RSF1: variants seen among roughly 807,000 people sequenced by gnomAD.
RSF1 encodes remodeling and spacing factor 1.
RSF1 carries 13 observed loss-of-function variants against 145.2 expected under a neutral mutation model. The observed-to-expected ratio is 0.09, with a 90% CI of 0.06 to 0.14. The LOEUF (loss-of-function observed/expected upper bound fraction) is 0.14. RSF1 is among the 10% of genes least tolerant of loss of function. RSF1 has a pLI of 1.00. For synonymous variants in RSF1, 577 were observed against 592.6 expected (o/e 0.97, Z 0.38); for missense variants, 1,517 against 1,718.2 (o/e 0.88, Z 2.07).
the RSF1 span, among the ~76,000 whole-genome samples, chr11:77,862,046 T>TA: frequency 6.6e-6 from 1 of 152,202 alleles, no homozygotes; most frequent in East Asian, 1.9e-4. Flanking sequence ...CCCTGTGTTA[T>TA]AGTGGACATA....
chr11:77,810,919 G>A (rs1948724782), intron 1 of RSF1, among the ~76,000 whole-genome samples: 1 of 152,054 alleles, frequency 6.6e-6, no homozygotes, highest in Non-Finnish European at 1.5e-5. Flanking sequence ...TCAGGTTTTG[G>A]GTTTTGTTTT....
the RSF1 span, among the ~76,000 whole-genome samples, chr11:77,858,672 G>A: frequency 2.6e-5 from 4 of 152,066 alleles, no homozygotes; most frequent in East Asian, 1.9e-4. Context: ...GAGGTTGGCC[G>A]ATGACCGCTC....
chr11:77,789,641 C>T (rs928730150), intron 1 of RSF1, among the ~76,000 whole-genome samples: 2 of 152,214 alleles, frequency 1.3e-5, no homozygotes, highest in Middle Eastern at 3.2e-3. Flanking sequence ...GCTCCACCCT[C>T]CACAGTGGCA....
chr11:77,737,652 G>A (rs1178981834), intron 4 of RSF1, among the ~76,000 whole-genome samples: 2 of 150,896 alleles, frequency 1.3e-5, no homozygotes, highest in Non-Finnish European at 3.0e-5. Flanking sequence ...GTGTGTGTGT[G>A]TGTGTGTGTG....
intron 1 of RSF1, among the ~76,000 whole-genome samples, chr11:77,788,606 T>C (rs1948485277): frequency 6.6e-6 from 1 of 150,766 alleles, no homozygotes; most frequent in African/African-American, 2.4e-5. Context: ...AGGTATCCAA[T>C]ATAATGAAAA....
At chr11:77,824,814 T>A (rs896805754), upstream of RSF1, among the ~76,000 whole-genome samples, 2 of 152,236 alleles carry the variant, frequency 1.3e-5, no homozygotes, top group African/African-American at 4.8e-5. Flanking sequence ...CTATAAACAC[T>A]GCATTCAACT....
intron 1 of RSF1, among the ~76,000 whole-genome samples, chr11:77,779,744 G>T (rs1296852903): frequency 6.6e-6 from 1 of 152,154 alleles, no homozygotes; most frequent in South Asian, 2.1e-4. Context: ...GATTTGTTCA[G>T]GTAACAGAAA....
chr11:77,758,788 T>C (rs1363606508), intron 2 of RSF1, among the ~76,000 whole-genome samples: 1 of 152,236 alleles, frequency 6.6e-6, no homozygotes, highest in African/African-American at 2.4e-5. Flanking sequence ...TGTCTTTATG[T>C]TGTTGAGTTT....
At position 77,702,390 on chromosome 11, in the gene RSF1, T is replaced by A; in HGVS notation, c.839A>T (p.Lys280Ile). The A allele has an allele frequency of 6.2e-7, 1 of 1,609,980 alleles. No individual in the cohort carries two copies. Among genetic ancestry groups the A allele is most frequent in the African/African-American group, 1.3e-5 (1 of 74,532 alleles). The change falls in exon 6 of 16, where the codon AAA becomes ATA. Residue 280 changes from lysine to isoleucine, a missense_variant. Around this residue, in one of 12 missense-constraint regions of RSF1, gnomAD observed 207 missense variants for 191.4 expected, o/e 1.08. Transcript: ENST00000308488. ...TTTCACAAGTTCCTTTTCATCTTCT[T>A]TTTCTTTTTTCACAGTAGTCTCTTC... ...VLEETTVKKE[K>I]EDEKELVKLP...
At chr11:77,696,156 AC>A (rs1200301795) in intron 7 of RSF1, among the ~76,000 whole-genome samples, 2 of 152,218 alleles carry the variant, frequency 1.3e-5, no homozygotes, top group African/African-American at 4.8e-5. Context: ...ATAAAACATA[AC>A]CTAAATTTCA....
At position 77,698,477 on chromosome 11, in the gene RSF1, A is replaced by G; in HGVS notation, c.2715+10T>C. The G allele has an allele frequency of 6.2e-7, 1 of 1,610,662 alleles. No individual in the cohort carries two copies. The highest frequency in any genetic ancestry group is 2.2e-5 in the East Asian group (1 of 44,852). On this transcript the variant is annotated intron_variant, in intron 7 of 15. Transcript: ENST00000308488. ...AATATGAGTATTCTTCATTTACATC[A>G]GGTACATACTAGCTCAGGATGGTTT...
chr11:77,698,678 T>C lies in RSF1; in HGVS notation c.2524A>G (p.Lys842Glu). 6.2e-7 allele frequency: 1 copy of C among 1,614,162 alleles called. No homozygotes were observed. ...SKVSKVKPKG[K>E]VRWTGSRTRG... is the part of the protein sequence containing the mutation. The stretch of plus-strand genomic sequence containing the variant: ...GTCCGAGAACCAGTCCATCGAACTT[T>C]GCCTTTGGGTTTTACCTTGTATAAA... The change falls in exon 7 of 16, where the codon AAA (lysine) becomes GAA (glutamate). Residue 842 changes from lysine (K) to glutamate (E), a missense_variant. By Grantham distance (56) the Lys-to-Glu change is moderately conservative. Transcript: ENST00000308488.
At chr11:77,740,605 C>G in intron 4 of RSF1, 126 bp downstream of exon 4, 1 of 744,328 alleles carries the variant, frequency 1.3e-6, no homozygotes, top group Non-Finnish European at 2.3e-6. Flanking sequence ...CTAGGTGAGG[C>G]CTTGACAACT....
chr11:77,863,301 CGGATCCGGAG>C, the RSF1 span, among the ~76,000 whole-genome samples: 1 of 152,116 alleles, frequency 6.6e-6, no homozygotes, highest in African/African-American at 2.4e-5. Flanking sequence ...GACACCCTGC[CGGATCCGGAG>C]GGATGGAAGT....
At position 77,678,159 on chromosome 11, in the gene RSF1, A is replaced by G; in HGVS notation, c.3066-6T>C. 6.3e-7 allele frequency: 1 copy of G among 1,583,532 alleles called. No individual in the cohort carries two copies. The highest frequency in any genetic ancestry group is 8.6e-7 in the Non-Finnish European group (1 of 1,156,338). On this transcript the variant is annotated splice_polypyrimidine_tract_variant and splice_region_variant and intron_variant, in intron 11 of 15. Coordinates refer to ENST00000308488, the MANE Select transcript of RSF1 (RefSeq NM_016578.4). The stretch of plus-strand genomic sequence containing the variant: ...CTTCATCAAACTCATCAAATCTAAA[A>G]TATACACAATGATCACATTATAGCC...
intron 1 of RSF1, among the ~76,000 whole-genome samples, chr11:77,788,211 G>A (rs566387891): frequency 8.5e-5 from 9 of 105,824 alleles, no homozygotes; most frequent in Admixed American, 2.1e-4. Context: ...AAATATTACC[G>A]GGCATGCAAA....
chr11:77,699,028 C>T (rs1201208525), intron 6 of RSF1, among the ~76,000 whole-genome samples: 5 of 152,038 alleles, frequency 3.3e-5, no homozygotes, highest in African/African-American at 1.2e-4. Flanking sequence ...GTAGTTGTTT[C>T]CCATGTTTTT....
intron 1 of RSF1, among the ~76,000 whole-genome samples, chr11:77,810,372 G>T (rs74643112): frequency 5.9e-4 from 90 of 152,196 alleles, no homozygotes; most frequent in East Asian, 2.1e-3. Context: ...AAGAAATTTA[G>T]TTCAATATAA....
the RSF1 span, among the ~76,000 whole-genome samples, chr11:77,849,622 G>A: frequency 7.2e-5 from 11 of 152,190 alleles, no homozygotes; most frequent in Non-Finnish European, 1.6e-4. Context: ...GCCTCCCAAA[G>A]TGCTGGATCT....
Sources: allele counts gnomAD v4.1 joint callset (sites outside exome capture counted in the v4.1 genomes callset), GRCh38; gene constraint gnomAD v4.1.1; regional missense constraint gnomAD v4.1.1; transcripts MANE v1.5; gene names NCBI Gene and HGNC (gene_info 2026-07-23, HGNC 2026-07-21).